Variants in SHC3 observed in about 807,000 individuals in gnomAD.
SHC3 encodes the protein SHC-transforming protein 3.
SHC3 carries 15 observed loss-of-function variants against 60.4 expected under a neutral mutation model. That is an observed-to-expected ratio of 0.25 (90% CI 0.17 to 0.38). The LOEUF (loss-of-function observed/expected upper bound fraction) is 0.38. Among genes scored for constraint, SHC3 ranks in the 10% least tolerant of loss-of-function variants. The pLI, the probability that SHC3 is intolerant of heterozygous loss-of-function variation, is 1.00. For synonymous variants in SHC3, 294 were observed against 325.9 expected (o/e 0.90, Z 1.05); for missense variants, 677 against 786.1 (o/e 0.86, Z 1.66).
At chr9:89,039,933 C>T (rs1175995186) in intron 10 of SHC3, among the ~76,000 whole-genome samples, 5 of 151,430 alleles carry the variant, frequency 3.3e-5, no homozygotes, top group South Asian at 2.1e-4. Flanking sequence ...GCAACAGGAG[C>T]GGCAGCAGTA....
intron 1 of SHC3, among the ~76,000 whole-genome samples, chr9:89,114,138 T>C (rs1437670922): frequency 6.6e-6 from 1 of 152,184 alleles, no homozygotes; most frequent in Non-Finnish European, 1.5e-5. Flanking sequence ...ATTGTGGGAA[T>C]ACGGGAATAC....
At chr9:89,176,651 A>G (rs1334184262) in intron 1 of SHC3, among the ~76,000 whole-genome samples, 1 of 152,228 alleles carries the variant, frequency 6.6e-6, no homozygotes, top group Non-Finnish European at 1.5e-5. Flanking sequence ...AAGAATATTC[A>G]GTACCTCTTA....
chr9:89,045,652 T>G, intron 9 of SHC3, 94 bp downstream of exon 9: 3 of 1,067,488 alleles, frequency 2.8e-6, no homozygotes, highest in Non-Finnish European at 4.2e-6. Flanking sequence ...GGGGTCACTC[T>G]GTCAGTCCAC....
chr9:89,099,252 A>G (rs1825748921), intron 2 of SHC3, among the ~76,000 whole-genome samples: 1 of 152,026 alleles, frequency 6.6e-6, no homozygotes, highest in Non-Finnish European at 1.5e-5. Context: ...CTTTTAGAGA[A>G]CTCTTTTAGA....
Position 89,077,912 on chromosome 9 carries a change from A to G in SHC3, c.546-9T>C. 1.2e-6 allele frequency: 2 copies of G among 1,614,204 alleles called. No individual in the cohort carries two copies. Among genetic ancestry groups the G allele is most frequent in the South Asian group, 1.1e-5 (1 of 91,084 alleles). On this transcript the variant is annotated splice_polypyrimidine_tract_variant and intron_variant, in intron 2 of 11. Coordinates refer to ENST00000375835, the MANE Select transcript of SHC3 (RefSeq NM_016848.6). Reference sequence around the variant, plus strand: ...CGCGGCTGATGGCTTCCCTTAGGACAGGAAGAAAAAGCAATTTTATTACGT... The same window carrying G: ...CGCGGCTGATGGCTTCCCTTAGGACGGGAAGAAAAAGCAATTTTATTACGT...
chr9:89,048,047 C>T, intron 7 of SHC3, among the ~76,000 whole-genome samples: 2 of 152,156 alleles, frequency 1.3e-5, no homozygotes, highest in South Asian at 4.2e-4. Flanking sequence ...AGTTCAAGAC[C>T]AGCCTGAGCA....
At chr9:89,157,642 A>ATC (rs2118233036) in intron 1 of SHC3, among the ~76,000 whole-genome samples, 1 of 151,902 alleles carries the variant, frequency 6.6e-6, no homozygotes, top group East Asian at 1.9e-4. Context: ...TTTATTCAGG[A>ATC]TCTCTCTCTG....
At chr9:89,175,499 C>T (rs917234607) in intron 1 of SHC3, among the ~76,000 whole-genome samples, 3 of 152,204 alleles carry the variant, frequency 2.0e-5, no homozygotes, top group African/African-American at 7.2e-5. Flanking sequence ...AGTCCCTGTT[C>T]TCAGATTAAG....
chr9:89,051,138 G>T (rs796187181), intron 7 of SHC3, among the ~76,000 whole-genome samples: 9 of 152,256 alleles, frequency 5.9e-5, no homozygotes, highest in African/African-American at 1.7e-4. Flanking sequence ...AAGAACAAAG[G>T]TAGAGTCTGA....
intron 5 of SHC3, 143 bp from the exon 6 acceptor site, chr9:89,065,723 C>T: frequency 1.2e-6 from 1 of 807,878 alleles, no homozygotes; most frequent in Non-Finnish European, 2.0e-6. Context: ...AGAAACAGCC[C>T]CCAGAAGATT....
At chr9:89,064,058 T>C (rs1387750355) in intron 6 of SHC3, among the ~76,000 whole-genome samples, 1 of 152,216 alleles carries the variant, frequency 6.6e-6, no homozygotes, top group Non-Finnish European at 1.5e-5. Context: ...CTCACATGGG[T>C]GGAAGAGGGT....
chr9:89,065,668 A>G, intron 5 of SHC3, 88 bp from the exon 6 acceptor site: 1 of 1,307,050 alleles, frequency 7.7e-7, no homozygotes. Context: ...CAGTGAGCTT[A>G]GAAGGACTCA....
chr9:89,134,840 A>G (rs957581943), intron 1 of SHC3, among the ~76,000 whole-genome samples: 2 of 152,128 alleles, frequency 1.3e-5, no homozygotes, highest in African/African-American at 4.8e-5. Context: ...AACAGAAATT[A>G]ACTGCATGGG....
intron 9 of SHC3, among the ~76,000 whole-genome samples, chr9:89,042,999 C>T (rs563288313): frequency 2.0e-5 from 3 of 152,296 alleles, no homozygotes; most frequent in South Asian, 2.1e-4. Flanking sequence ...AGATCCTTCT[C>T]GGAGTCTTTT....
intron 11 of SHC3, among the ~76,000 whole-genome samples, chr9:89,018,863 C>T (rs542878591): frequency 1.3e-5 from 2 of 151,552 alleles, no homozygotes; most frequent in South Asian, 4.2e-4. Context: ...TAAGATCAGC[C>T]TGGCCAACAC....
intron 1 of SHC3, among the ~76,000 whole-genome samples, chr9:89,167,697 G>A (rs1028177385): frequency 1.3e-5 from 2 of 152,170 alleles, no homozygotes; most frequent in Non-Finnish European, 2.9e-5. Flanking sequence ...AAACATGCAC[G>A]AGTATACTTT....
At chr9:89,032,312 G>A (rs1393738380) in intron 11 of SHC3, among the ~76,000 whole-genome samples, 1 of 152,188 alleles carries the variant, frequency 6.6e-6, no homozygotes, top group African/African-American at 2.4e-5. Context: ...TCAATGTTTT[G>A]TGATTTTATG....
intron 1 of SHC3, among the ~76,000 whole-genome samples, chr9:89,145,581 A>G (rs1826457338): frequency 6.6e-6 from 1 of 152,278 alleles, no homozygotes; most frequent in Admixed American, 6.5e-5. Flanking sequence ...TCCGGTGTCC[A>G]TCAAATACAA....
intron 11 of SHC3, among the ~76,000 whole-genome samples, chr9:89,028,697 A>C (rs1339231105): frequency 6.9e-6 from 1 of 144,914 alleles, no homozygotes; most frequent in Non-Finnish European, 1.5e-5. Flanking sequence ...ATCTATATCT[A>C]TATATTCTAT....
Sources: allele counts gnomAD v4.1 joint callset (sites outside exome capture counted in the v4.1 genomes callset), GRCh38; gene constraint gnomAD v4.1.1; transcripts MANE v1.5; gene names NCBI Gene and HGNC (gene_info 2026-07-23, HGNC 2026-07-21).